SCN8A: variants seen among roughly 807,000 people sequenced by gnomAD.
SCN8A encodes sodium channel protein type 8 subunit alpha.
SCN8A carries 30 observed loss-of-function variants against 184.1 expected under a neutral mutation model. The observed-to-expected ratio is 0.16, with a 90% CI of 0.12 to 0.22. The LOEUF (loss-of-function observed/expected upper bound fraction) is 0.22, where lower values mean the gene tolerates loss of function less well. Among genes scored for constraint, SCN8A ranks in the 10% least tolerant of loss-of-function variants. The probability of loss-of-function intolerance (pLI) is 1.00; values close to 1 mark genes in which losing one functional copy is unlikely to be tolerated. For missense variants in SCN8A, 1,057 were observed against 2,498.9 expected, an observed-to-expected ratio of 0.42 and a Z score of 12.30; for synonymous variants, 852 against 907.0, an observed-to-expected ratio of 0.94 and a Z score of 1.09.
chr12:51,758,144 C>T (rs1301575887), intron 14 of SCN8A, among the ~76,000 whole-genome samples: 1 of 152,044 alleles, frequency 6.6e-6, no homozygotes, highest in African/African-American at 2.4e-5. Flanking sequence ...TAGAACATAG[C>T]GAGACCCCAT....
At chr12:51,591,762 G>A (rs994085436) in intron 1 of SCN8A, among the ~76,000 whole-genome samples, 1 of 152,028 alleles carries the variant, frequency 6.6e-6, no homozygotes, top group African/African-American at 2.4e-5. Context: ...CAGCGCTGTC[G>A]GGATCTTCCT....
chr12:51,676,741 CAGAT>C (rs1199309416), intron 2 of SCN8A, among the ~76,000 whole-genome samples: 2 of 152,178 alleles, frequency 1.3e-5, no homozygotes, highest in African/African-American at 4.8e-5. Flanking sequence ...TAGTTATAGT[CAGAT>C]AGACTCAAAG....
intron 12 of SCN8A, among the ~76,000 whole-genome samples, chr12:51,739,042 A>G (rs1442637872): frequency 6.6e-6 from 1 of 152,134 alleles, no homozygotes; most frequent in Non-Finnish European, 1.5e-5. Context: ...TTAGAGTGAC[A>G]CTGACTAGTC....
At chr12:51,628,100 C>A (rs1469052982) in intron 1 of SCN8A, among the ~76,000 whole-genome samples, 2 of 152,146 alleles carry the variant, frequency 1.3e-5, no homozygotes, top group African/African-American at 4.8e-5. Context: ...GATCCTGACA[C>A]AGACCTTTAA....
chr12:51,769,900 C>A lies in SCN8A; in HGVS notation c.3405C>A (p.Ser1135Arg). The A allele has an allele frequency of 1.2e-6, 2 of 1,606,842 alleles. No homozygotes were observed. Among genetic ancestry groups the A allele is most frequent in the East Asian group, 2.2e-5 (1 of 44,714 alleles). The change falls in exon 18 of 27, where the codon AGC becomes AGA. Residue 1135 changes from serine to arginine, a missense_variant. Physicochemically the swap from Ser to Arg is moderately radical, Grantham distance 110. Around this residue, in one of 19 missense-constraint regions of SCN8A, gnomAD observed 178 missense variants for 259.6 expected, o/e 0.69. Coordinates refer to ENST00000627620, the MANE Select transcript of SCN8A (RefSeq NM_001330260.2). The part of the protein sequence containing the change: ...KLDDTSSSEG[S>R]TIDIKPEVEE... ...ATGACACCAGCTCCTCTGAAGGAAG[C>A]ACCATTGATATCAAACCAGAAGTAG...
intron 1 of SCN8A, among the ~76,000 whole-genome samples, chr12:51,647,860 C>T (rs971881527): frequency 1.3e-5 from 2 of 152,198 alleles, no homozygotes; most frequent in Non-Finnish European, 2.9e-5. Context: ...CCACCTTCCT[C>T]CCAGTGCAGA....
intron 1 of SCN8A, among the ~76,000 whole-genome samples, chr12:51,648,358 C>T (rs4761989): frequency 0.86 from 130,780 of 152,140 alleles, 56,471 homozygotes; most frequent in East Asian, 0.99. Flanking sequence ...ATGCCACCAC[C>T]CTTGGTGTGT....
In SCN8A at chr12:51,806,242, C is replaced by G; in HGVS notation, c.4796-40C>G. 5 of 1,491,078 alleles carry G rather than the reference C, an allele frequency of 3.4e-6. No individual in the cohort carries two copies. Among genetic ancestry groups the G allele is most frequent in the Non-Finnish European group, 4.5e-6 (5 of 1,119,306 alleles). 92.4% of individuals were successfully genotyped at this position (1,491,078 alleles called of 1,614,324 possible). On this transcript the variant is annotated intron_variant, in intron 26 of 26. Coordinates refer to ENST00000627620, the MANE Select transcript of SCN8A (RefSeq NM_001330260.2). The surrounding 1 kb of genome is among the most constrained non-coding windows in gnomAD (Gnocchi z 8.7). The stretch of plus-strand genomic sequence containing the variant: ...AAAAAAATAAAGAGAAAGGGTGTCT[C>G]CCATCTCAATAACATAACTTCTTCT...
intron 26 of SCN8A, among the ~76,000 whole-genome samples, chr12:51,799,396 C>T (rs1248695204): frequency 2.0e-5 from 3 of 152,186 alleles, no homozygotes; most frequent in African/African-American, 4.8e-5. Context: ...CTGGGTGACC[C>T]ATGGTCAAAC....
intron 1 of SCN8A, among the ~76,000 whole-genome samples, chr12:51,619,027 C>T (rs540829329): frequency 9.9e-5 from 15 of 152,242 alleles, no homozygotes; most frequent in Non-Finnish European, 1.8e-4. Context: ...GTTCCTTTCC[C>T]TGGAGGCAAC....
chr12:51,674,027 C>G (rs898227601), intron 2 of SCN8A, among the ~76,000 whole-genome samples: 1 of 152,018 alleles, frequency 6.6e-6, no homozygotes, highest in Admixed American at 6.5e-5. Context: ...ATATAAAGGC[C>G]GAGAGACATG....
chr12:51,770,091 A>C, intron 18 of SCN8A, 106 bp downstream of exon 18: 1 of 743,716 alleles, frequency 1.3e-6, no homozygotes, highest in Non-Finnish European at 2.3e-6. Context: ...GGCTATCTTC[A>C]AGAACTTTGC....
rs572778989 is a variant in SCN8A, at chr12:51,757,009, T to C, written c.2370+5416T>C. 5.9e-5 allele frequency among the ~76,000 whole-genome samples: 9 copies of C among 152,378 alleles called. No homozygotes were observed. In the South Asian group the frequency reaches 1.9e-3, roughly 32 times the overall value. ...TCAGCTAAAAAGAATTCTTTTCAGATTTTTTCTTTCATCTGTGCTTCTATA... is the reference window on the plus strand; with the variant it reads ...TCAGCTAAAAAGAATTCTTTTCAGACTTTTTCTTTCATCTGTGCTTCTATA... On this transcript the variant is annotated intron_variant, in intron 14 of 26. Coordinates refer to ENST00000627620, the MANE Select transcript of SCN8A (RefSeq NM_001330260.2).
chr12:51,608,027 T>C (rs988757991), intron 1 of SCN8A, among the ~76,000 whole-genome samples: 1 of 149,350 alleles, frequency 6.7e-6, no homozygotes, highest in Non-Finnish European at 1.5e-5. Context: ...TTTCCTTTTT[T>C]TTTTTTTTTT....
chr12:51,773,302 T>C (rs150927621), intron 19 of SCN8A, among the ~76,000 whole-genome samples: 1,609 of 152,304 alleles, frequency 0.011, 24 homozygotes, highest in African/African-American at 0.034. Flanking sequence ...TTCCCTCCTC[T>C]TGGCACCATA....
chr12:51,735,725 C>G (rs1209715315), intron 12 of SCN8A, among the ~76,000 whole-genome samples: 4 of 152,146 alleles, frequency 2.6e-5, no homozygotes, highest in Non-Finnish European at 5.9e-5. Flanking sequence ...CAGCATCGGT[C>G]TCGACATGGC....
Position 51,760,375 on chromosome 12 carries a change from C to T in SCN8A, c.2371-2128C>T, listed in dbSNP as rs114835439. 5.5e-3 allele frequency among the ~76,000 whole-genome samples: 841 copies of T among 152,336 alleles called. 6 individuals are homozygous for T. Among genetic ancestry groups the T allele is most frequent in the African/African-American group, 0.019 (804 of 41,574 alleles). On this transcript the variant is annotated intron_variant, in intron 14 of 26. Transcript: ENST00000627620. ...GTTGAAGCAACATGGTGGCTGACCT[C>T]TGTCACAGACAATTTCTAATGCCTG...
chr12:51,701,434 G>T (rs1941685578), intron 8 of SCN8A, among the ~76,000 whole-genome samples: 1 of 152,166 alleles, frequency 6.6e-6, no homozygotes, highest in African/African-American at 2.4e-5. Flanking sequence ...CAAAATGAAA[G>T]AATCCAAGGA....
chr12:51,661,411 C>A (rs1454977969), intron 1 of SCN8A, among the ~76,000 whole-genome samples: 7 of 152,202 alleles, frequency 4.6e-5, no homozygotes, highest in African/African-American at 1.7e-4. Flanking sequence ...CATACAGACA[C>A]TACACACTGT....
Sources: gnomAD v4.1 joint callset for allele counts (sites outside exome capture counted in the v4.1 genomes callset) on GRCh38, gnomAD v4.1.1 for gene constraint, gnomAD v4.1.1 regional missense constraint, Gnocchi (gnomAD v3.1) non-coding constraint, MANE v1.5 for transcripts, NCBI Gene and HGNC (gene_info 2026-07-23, HGNC 2026-07-21) for gene names.